Variants in TMEM19 observed in about 807,000 individuals in gnomAD.
The protein encoded by TMEM19 is transmembrane protein 19.
A neutral mutation model predicts 33.6 loss-of-function variants in TMEM19; 21 were observed. That is an observed-to-expected ratio of 0.62 (90% confidence interval 0.44 to 0.90). TMEM19 has a LOEUF of 0.90. TMEM19 is among the 40% of genes least tolerant of loss of function. The pLI is 0.00. For missense variants in TMEM19, 402 were observed against 401.8 expected, an observed-to-expected ratio of 1.00 and a Z score of 0.00; for synonymous variants, 149 against 147.5, an observed-to-expected ratio of 1.01 and a Z score of -0.07.
rs561581347 is a variant in TMEM19, at chr12:71,686,106, G to A, written c.-575G>A. On this transcript the variant is annotated 5_prime_UTR_variant, in exon 1 of 6. Coordinates refer to ENST00000266673, the MANE Select transcript of TMEM19 (RefSeq NM_018279.4). ...CATGCCCACAGCGGGCGAGGCGCTA[G>A]AGGCGGGGGCGCCGGGAGGCGCGGG... The A allele has an allele frequency of 1.3e-5, 2 of 159,100 alleles. No homozygotes were observed. Among genetic ancestry groups the A allele is most frequent in the Non-Finnish European group, 2.7e-5 (2 of 72,900 alleles). The allele number at this position is 159,100 out of a possible 1,614,324, so 9.9% of individuals were successfully genotyped here.
intron 2 of TMEM19, chr12:71,690,442 C>T (rs562988662): frequency 6.6e-6 from 1 of 152,360 alleles, no homozygotes; most frequent in African/African-American, 2.4e-5. Flanking sequence ...TATGAGCCAC[C>T]ATGCCTGACC....
Position 71,697,362 on chromosome 12 carries a change from C to T in TMEM19, c.465C>T (p.Gly155=). 1 of 1,611,144 alleles carries T rather than the reference C, an allele frequency of 6.2e-7. No homozygotes were observed. Among genetic ancestry groups the T allele is most frequent in the Admixed American group, 1.7e-5 (1 of 59,522 alleles). ...ELALLYMIEN[G]PGEIPVDFSK... is the part of the protein sequence containing the mutation. ...CCCTGCTGTACATGATAGAAAATGG[C>T]CCCGGGGAAATCCCAGTCGATTTTT... Residue 155 remains glycine, a synonymous_variant, in exon 4 of 6, where the codon GGC becomes GGT. Coordinates refer to ENST00000266673, the MANE Select transcript of TMEM19 (RefSeq NM_018279.4).
intron 4 of TMEM19, among the ~76,000 whole-genome samples, chr12:71,698,126 T>G (rs1276216126): frequency 6.6e-6 from 1 of 152,178 alleles, no homozygotes. Flanking sequence ...GCAATTCAAG[T>G]AAAGAGAATA....
intron 4 of TMEM19, 62 bp downstream of exon 4, chr12:71,697,596 T>G (rs1404358302): frequency 6.7e-7 from 1 of 1,498,980 alleles, no homozygotes; most frequent in Non-Finnish European, 8.8e-7. Flanking sequence ...GATTTGAGAT[T>G]CTTTAAAAAA....
intron 1 of TMEM19, among the ~76,000 whole-genome samples, chr12:71,688,824 C>T (rs1007840908): frequency 2.6e-5 from 4 of 152,190 alleles, no homozygotes; most frequent in African/African-American, 9.7e-5. Flanking sequence ...GCTAGCCAAA[C>T]ATCTGTGAGC....
intron 5 of TMEM19, chr12:71,699,320 A>G: frequency 1.6e-6 from 1 of 613,732 alleles, no homozygotes; most frequent in East Asian, 2.7e-5. Context: ...AGCAATGATT[A>G]GAAGCCATGT....
chr12:71,687,369 G>A (rs976771343), intron 1 of TMEM19, among the ~76,000 whole-genome samples: 1 of 152,000 alleles, frequency 6.6e-6, no homozygotes, highest in Non-Finnish European at 1.5e-5. Context: ...ACCTGAGGTC[G>A]GGAGTTCAAG....
chr12:71,698,136 A>T (rs1335761721), intron 4 of TMEM19, among the ~76,000 whole-genome samples: 1 of 152,146 alleles, frequency 6.6e-6, no homozygotes, highest in African/African-American at 2.4e-5. Flanking sequence ...TAAAGAGAAT[A>T]CTCAACCTAT....
rs140991284 is a variant in TMEM19, at chr12:71,688,509, A to G, written c.131-1082A>G. The stretch of plus-strand genomic sequence containing the variant: ...CTCCCAAAGTGCTGGGATTACAGGC[A>G]TGAGCCACTGCGCCCGGCCCATTTT... On this transcript the variant is annotated intron_variant, in intron 1 of 5. Transcript: ENST00000266673. 3.9e-4 allele frequency among the ~76,000 whole-genome samples: 59 copies of G among 152,326 alleles called. 1 individual carries two copies. The East Asian group carries it at 0.011, about 29-fold the overall frequency.
In TMEM19 at chr12:71,703,986, T is replaced by C; in HGVS notation, c.*2991T>C. The C allele has an allele frequency of 2.2e-6, 1 of 453,012 alleles. No homozygotes were observed. The highest frequency in any genetic ancestry group is 4.4e-6 in the Non-Finnish European group (1 of 225,230). 28.1% of individuals were successfully genotyped at this position (453,012 alleles called of 1,614,324 possible). On this transcript the variant is annotated 3_prime_UTR_variant, in exon 6 of 6. Coordinates refer to ENST00000266673, the MANE Select transcript of TMEM19 (RefSeq NM_018279.4). The stretch of plus-strand genomic sequence containing the variant: ...TTTTTCCTCTTTGCAGAATGGGCAG[T>C]TCATGTTAAAATCACTTTTCATGGA...
At chr12:71,689,563 T>C (rs190971452) in intron 1 of TMEM19, 28 bp from the exon 2 acceptor site, 6 of 1,583,790 alleles carry the variant, frequency 3.8e-6, no homozygotes, top group Non-Finnish European at 5.2e-6. Flanking sequence ...CTTCACACAA[T>C]TTGTGCTCCA....
chr12:71,701,140 C>T lies in TMEM19; in HGVS notation c.*145C>T. The T allele has an allele frequency of 1.4e-6, 1 of 727,148 alleles. No individual in the cohort carries two copies. The highest frequency in any genetic ancestry group is 2.6e-5 in the South Asian group (1 of 38,846). 45.0% of individuals were successfully genotyped at this position (727,148 alleles called of 1,614,324 possible). A position where few individuals can be genotyped will look rare whatever the true frequency, so the allele number is the denominator to read the frequency against. Reference sequence around the variant, plus strand: ...CATTGAGATGGGATTTCACATTTTCCTCTCATCAACTCCCCTGTAATAGCT... The same window carrying T: ...CATTGAGATGGGATTTCACATTTTCTTCTCATCAACTCCCCTGTAATAGCT... On this transcript the variant is annotated 3_prime_UTR_variant, in exon 6 of 6. Transcript: ENST00000266673.
chr12:71,702,649 G>A lies in TMEM19; in HGVS notation c.*1654G>A, dbSNP rs1481510202. The A allele has an allele frequency of 2.0e-5, 3 of 152,130 alleles. No homozygotes were observed. Among genetic ancestry groups the A allele is most frequent in the African/African-American group, 7.2e-5 (3 of 41,420 alleles). The allele number at this position is 152,130 out of a possible 1,614,324, so 9.4% of individuals were successfully genotyped here. On this transcript the variant is annotated 3_prime_UTR_variant, in exon 6 of 6. Coordinates refer to ENST00000266673, the MANE Select transcript of TMEM19 (RefSeq NM_018279.4). ...GTTTTTAAAAAAGTACTGATGTCTG[G>A]GTTTCACACTGCAAAATTCTGATTT... is the stretch of plus-strand genomic sequence containing the variant.
chr12:71,691,784 A>G (rs1369901482), intron 2 of TMEM19, among the ~76,000 whole-genome samples: 1 of 148,648 alleles, frequency 6.7e-6, no homozygotes, highest in Admixed American at 6.7e-5. Flanking sequence ...CTTGGAATTT[A>G]TTATTCTTAT....
rs1881917686 is a variant in TMEM19 at position 71,698,603 on chromosome 12, TG to T, written c.638-296del. ...GGTTGATAGAGCAAAACCTTGTCTC[TG>T]AAAAGAGAGAGAGAGAGAGAGAGAG... is the stretch of plus-strand genomic sequence containing the variant. On this transcript the variant is annotated intron_variant, in intron 4 of 5. Coordinates refer to ENST00000266673, the MANE Select transcript of TMEM19 (RefSeq NM_018279.4). Among the ~76,000 whole-genome samples, 3 of 104,036 alleles carry T rather than the reference TG, an allele frequency of 2.9e-5. No individual in the cohort carries two copies. In the Admixed American group the frequency reaches 3.2e-4, roughly 11 times the overall value. The allele number at this position is 104,036 out of a possible 152,430, so 68.3% of individuals were successfully genotyped here.
Position 71,697,463 on chromosome 12 carries a change from C to T in TMEM19, c.566C>T (p.Ala189Val). 1 of 1,605,528 alleles carries T rather than the reference C, an allele frequency of 6.2e-7. No homozygotes were observed. The highest frequency in any genetic ancestry group is 1.1e-5 in the South Asian group (1 of 89,194). The change falls in exon 4 of 6, where the codon GCT (alanine) becomes GTT (valine). Residue 189 changes from alanine to valine, a missense_variant. By Grantham distance (64) the Ala-to-Val change is moderately conservative (BLOSUM62 0). Coordinates refer to ENST00000266673, the MANE Select transcript of TMEM19 (RefSeq NM_018279.4). ...GCCTGCTCTGCTGGAGACACATGGGCTTCAGAAGTTGGCCCAGTTCTGAGT... is the reference window on the plus strand; with the variant it reads ...GCCTGCTCTGCTGGAGACACATGGGTTTCAGAAGTTGGCCCAGTTCTGAGT... Reference protein sequence around the residue: ...ALACSAGDTWASEVGPVLSKS... With the variant: ...ALACSAGDTWVSEVGPVLSKS...
chr12:71,697,600 T>A, intron 4 of TMEM19, 66 bp downstream of exon 4: 1 of 1,495,916 alleles, frequency 6.7e-7, no homozygotes, highest in Non-Finnish European at 8.8e-7. Context: ...TGAGATTCTT[T>A]AAAAAAACCA....
chr12:71,692,395 T>G (rs1881800426), intron 2 of TMEM19, among the ~76,000 whole-genome samples: 1 of 152,206 alleles, frequency 6.6e-6, no homozygotes, highest in African/African-American at 2.4e-5. Flanking sequence ...CAATGAAAAC[T>G]GCAGAAAACT....
At chr12:71,700,637 A>G (rs1881959859) in intron 5 of TMEM19, among the ~76,000 whole-genome samples, 195 bp from the exon 6 acceptor site, 1 of 152,176 alleles carries the variant, frequency 6.6e-6, no homozygotes, top group South Asian at 2.1e-4. Context: ...GATCCATTAA[A>G]GTCATTTAGC....
Sources: allele counts gnomAD v4.1 joint callset (sites outside exome capture counted in the v4.1 genomes callset), GRCh38; gene constraint gnomAD v4.1.1; transcripts MANE v1.5; gene names NCBI Gene and HGNC (gene_info 2026-07-23, HGNC 2026-07-21).